LDLRAD4: variants seen among roughly 807,000 people sequenced by gnomAD.
The protein encoded by LDLRAD4 is low-density lipoprotein receptor class A domain-containing protein 4.
LDLRAD4 carries 5 observed loss-of-function variants against 17.0 expected under a neutral mutation model. That is an observed-to-expected ratio of 0.29 (90% confidence interval 0.15 to 0.62). The LOEUF is 0.62. Ranked by LOEUF, LDLRAD4 falls within the 20% of genes least tolerant of loss-of-function variation. The pLI, the probability that LDLRAD4 is intolerant of heterozygous loss-of-function variation, is 0.84. For missense variants in LDLRAD4, 340 were observed against 424.7 expected, an observed-to-expected ratio of 0.80 and a Z score of 1.75; for synonymous variants, 168 against 171.8, an observed-to-expected ratio of 0.98 and a Z score of 0.17.
chr18:13,611,265 C>T (rs1012693216), intron 3 of LDLRAD4: 2 of 159,472 alleles, frequency 1.3e-5, no homozygotes, highest in African/African-American at 2.4e-5. Context: ...CTCCTACAGC[C>T]AAAACTATTG....
chr18:13,561,673 A>T (rs907169200), intron 3 of LDLRAD4: 1 of 152,240 alleles, frequency 6.6e-6, no homozygotes, highest in African/African-American at 2.4e-5. Flanking sequence ...ACGTGATGAC[A>T]TGTATGCCGA....
chr18:13,427,533 G>C (rs1316268221), intron 2 of LDLRAD4: 4 of 152,434 alleles, frequency 2.6e-5, no homozygotes, highest in African/African-American at 9.6e-5. Context: ...GAGGCTGGAA[G>C]GGAAGGAGCT....
chr18:13,421,081 G>A (rs1377946875), intron 2 of LDLRAD4: 1 of 152,246 alleles, frequency 6.6e-6, no homozygotes, highest in Non-Finnish European at 1.5e-5. Context: ...ATCCTTCCGC[G>A]CTGAGCACTG....
At chr18:13,279,924 C>G (rs1394967176) in intron 1 of LDLRAD4, 1 of 152,224 alleles carries the variant, frequency 6.6e-6, no homozygotes, top group Non-Finnish European at 1.5e-5. Flanking sequence ...CTGTTACTTG[C>G]AAAATTTTGT....
At chr18:13,605,701 T>C (rs891195301) in intron 3 of LDLRAD4, among the ~76,000 whole-genome samples, 3 of 152,196 alleles carry the variant, frequency 2.0e-5, no homozygotes, top group African/African-American at 7.2e-5. Flanking sequence ...TCTACCTACA[T>C]GTGCACACAA....
rs138473148 is a variant in LDLRAD4 at position 13,381,511 on chromosome 18, G to A, written c.-382-5830G>A. The stretch of plus-strand genomic sequence containing the variant: ...GGGAGCCAGGGCCGGGAGTCACCAC[G>A]GGTACCAGAAGCAGAGTGGGTCCCC... On this transcript the variant is annotated intron_variant, in intron 1 of 5. Coordinates refer to ENST00000359446, the Ensembl canonical transcript of LDLRAD4. Among the ~76,000 whole-genome samples, 1,234 of 152,328 alleles carry A rather than the reference G, an allele frequency of 8.1e-3. 21 individuals are homozygous for A. The highest frequency in any genetic ancestry group is 0.028 in the African/African-American group (1,183 of 41,578).
intron 5 of LDLRAD4, 140 bp from the exon 7 acceptor site, chr18:13,644,987 T>C (rs2042938496): frequency 1.5e-6 from 1 of 662,580 alleles, no homozygotes; most frequent in African/African-American, 3.2e-5. Context: ...TGGATTTTCC[T>C]GTTTTCTTTT....
chr18:13,470,473 G>A (rs1013089490), intron 3 of LDLRAD4, among the ~76,000 whole-genome samples: 18 of 150,550 alleles, frequency 1.2e-4, no homozygotes, highest in African/African-American at 4.2e-4. Context: ...CTTGTGGCAC[G>A]TAATTCATGT....
intron 3 of LDLRAD4, among the ~76,000 whole-genome samples, chr18:13,559,266 G>C (rs1322615742): frequency 6.6e-6 from 1 of 152,138 alleles, no homozygotes; most frequent in African/African-American, 2.4e-5. Context: ...TTCCTTGTGG[G>C]GTTTCTGAAG....
Position 13,641,940 on chromosome 18 carries a change from C to T in LDLRAD4, c.337-1419C>T, listed in dbSNP as rs544358261. 6.1e-6 allele frequency: 6 copies of T among 985,494 alleles called. No homozygotes were observed. In the South Asian group the frequency reaches 2.3e-4, roughly 39 times the overall value. 61.0% of individuals were successfully genotyped at this position (985,494 alleles called of 1,614,324 possible). On this transcript the variant is annotated intron_variant, in intron 4 of 5. Coordinates refer to ENST00000359446, the Ensembl canonical transcript of LDLRAD4. ...TTCCTGGCTACGGCTGACTGGGCTC[C>T]CGGAGCGAGGAGCGCCCCTGCGGGC...
At chr18:13,627,679 G>C (rs1207899282) in intron 4 of LDLRAD4, among the ~76,000 whole-genome samples, 3 of 152,204 alleles carry the variant, frequency 2.0e-5, no homozygotes, top group Admixed American at 6.5e-5. Context: ...TGCCCAGCCT[G>C]ACATGGTCAC....
At chr18:13,224,175 A>G (rs563995325) in intron 1 of LDLRAD4, among the ~76,000 whole-genome samples, 2 of 152,326 alleles carry the variant, frequency 1.3e-5, no homozygotes, top group Admixed American at 1.3e-4. Context: ...GGACCATGGC[A>G]GCTTTGTCTC....
At chr18:13,297,023 G>A (rs1039253515) in intron 1 of LDLRAD4, among the ~76,000 whole-genome samples, 2 of 151,080 alleles carry the variant, frequency 1.3e-5, no homozygotes, top group African/African-American at 4.9e-5. Context: ...CCCCGCCAGC[G>A]GGTTCTCGTG....
At chr18:13,229,487 A>G (rs2041965099) in intron 1 of LDLRAD4, among the ~76,000 whole-genome samples, 1 of 152,214 alleles carries the variant, frequency 6.6e-6, no homozygotes, top group Non-Finnish European at 1.5e-5. Context: ...CTCGTGAGAC[A>G]TCTGCCCTGC....
chr18:13,516,412 TGTCACCTTGGTG>T (rs2093867355), intron 3 of LDLRAD4, among the ~76,000 whole-genome samples: 1 of 152,216 alleles, frequency 6.6e-6, no homozygotes, highest in Non-Finnish European at 1.5e-5. Flanking sequence ...TTTGTTCAGA[TGTCACCTTGGTG>T]GCACAGTACA....
chr18:13,286,937 C>T (rs1298139045), intron 1 of LDLRAD4, among the ~76,000 whole-genome samples: 1 of 152,126 alleles, frequency 6.6e-6, no homozygotes. Context: ...TTTTGGGCTT[C>T]AGTCTTGGGT....
At chr18:13,462,986 C>A (rs2092484017) in intron 3 of LDLRAD4, among the ~76,000 whole-genome samples, 1 of 152,162 alleles carries the variant, frequency 6.6e-6, no homozygotes, top group Admixed American at 6.5e-5. Context: ...GAAGGCAGAT[C>A]CCGACTGCCA....
At chr18:13,422,648 C>T (rs1164375143) in intron 2 of LDLRAD4, among the ~76,000 whole-genome samples, 4 of 152,072 alleles carry the variant, frequency 2.6e-5, no homozygotes, top group African/African-American at 7.2e-5. Flanking sequence ...CAGTGAGCCA[C>T]GATCACATCA....
chr18:13,423,980 C>A (rs951394929), intron 2 of LDLRAD4, among the ~76,000 whole-genome samples: 4 of 151,936 alleles, frequency 2.6e-5, no homozygotes, highest in Non-Finnish European at 5.9e-5. Flanking sequence ...ACTAAAAATA[C>A]AAAAATCAGC....
Sources: allele counts gnomAD v4.1 joint callset (sites outside exome capture counted in the v4.1 genomes callset), GRCh38; gene constraint gnomAD v4.1.1; transcripts MANE v1.5; gene names NCBI Gene and HGNC (gene_info 2026-07-23, HGNC 2026-07-21).